Variants in MAD1L1 observed in about 807,000 individuals in gnomAD.
MAD1L1 encodes the protein mitotic spindle assembly checkpoint protein MAD1.
A neutral mutation model predicts 96.9 loss-of-function variants in MAD1L1; 95 were observed. The observed-to-expected ratio is 0.98, with a 90% CI of 0.83 to 1.16. The LOEUF is 1.16. Among genes scored for constraint, MAD1L1 ranks in the 50% most tolerant of loss-of-function variants. MAD1L1 has a pLI of 0.00. For missense variants in MAD1L1, 1,007 were observed against 954.4 expected (o/e 1.06, Z -0.73); for synonymous variants, 473 against 396.6 (o/e 1.19, Z -2.29).
At chr7:1,823,648 C>A (rs1782240718) in intron 18 of MAD1L1, among the ~76,000 whole-genome samples, 2 of 152,190 alleles carry the variant, frequency 1.3e-5, no homozygotes, top group Non-Finnish European at 2.9e-5. Context: ...ACAGACCTCA[C>A]CAGGCTGGAG....
At chr7:2,219,283 G>A (rs1793458325) in intron 6 of MAD1L1, 49 bp downstream of exon 6, 2 of 1,497,714 alleles carry the variant, frequency 1.3e-6, no homozygotes, top group Non-Finnish European at 1.8e-6. Context: ...TGGGACGCAT[G>A]CCCCCACACG....
chr7:1,923,485 A>ACCCGG (rs758581092), intron 17 of MAD1L1, among the ~76,000 whole-genome samples: 1 of 135,266 alleles, frequency 7.4e-6, no homozygotes, highest in Non-Finnish European at 1.6e-5. Context: ...CCGCCCCGGC[A>ACCCGG]GCCGGGCAAC....
At chr7:2,068,238 C>G (rs1371631322) in intron 12 of MAD1L1, among the ~76,000 whole-genome samples, 4 of 152,256 alleles carry the variant, frequency 2.6e-5, no homozygotes, top group Non-Finnish European at 5.9e-5. Context: ...GGTGCCCACA[C>G]AGTCAGTGCC....
chr7:2,161,908 G>T (rs974244392), intron 10 of MAD1L1, among the ~76,000 whole-genome samples: 1 of 142,096 alleles, frequency 7.0e-6, no homozygotes, highest in Non-Finnish European at 1.6e-5. Flanking sequence ...GCCCCCGCCC[G>T]CCAGCCAGCC....
At chr7:1,942,848 C>A (rs1032739833) in intron 16 of MAD1L1, among the ~76,000 whole-genome samples, 1 of 152,064 alleles carries the variant, frequency 6.6e-6, no homozygotes, top group South Asian at 2.1e-4. Flanking sequence ...AGGGGGAACA[C>A]GGGAGGAAGA....
intron 15 of MAD1L1, among the ~76,000 whole-genome samples, chr7:1,963,367 G>A (rs867225640): frequency 3.3e-5 from 5 of 152,134 alleles, no homozygotes; most frequent in East Asian, 1.9e-4. Flanking sequence ...CAGAAGACTC[G>A]ACAGCCGCCC....
chr7:1,828,991 T>C (rs1274713336), intron 18 of MAD1L1, among the ~76,000 whole-genome samples: 2 of 151,836 alleles, frequency 1.3e-5, no homozygotes, highest in Non-Finnish European at 1.5e-5. Context: ...AAGCTGCAGA[T>C]ACAACCACGG....
intron 15 of MAD1L1, among the ~76,000 whole-genome samples, chr7:1,975,124 C>T (rs559937073): frequency 1.3e-5 from 2 of 152,330 alleles, no homozygotes; most frequent in African/African-American, 4.8e-5. Flanking sequence ...AGGCAGCTCA[C>T]CAGCCTTCAC....
At chr7:2,011,510 G>A (rs1584074157) in intron 13 of MAD1L1, among the ~76,000 whole-genome samples, 4 of 152,308 alleles carry the variant, frequency 2.6e-5, no homozygotes, top group Admixed American at 2.6e-4. Flanking sequence ...AGGAGCTGGC[G>A]GCACCCCCAG....
intron 14 of MAD1L1, among the ~76,000 whole-genome samples, chr7:1,998,141 C>T (rs928559495): frequency 4.6e-5 from 7 of 152,210 alleles, no homozygotes; most frequent in Non-Finnish European, 8.8e-5. Context: ...ACCAAGCGCA[C>T]CTCACAGCCC....
intron 17 of MAD1L1, among the ~76,000 whole-genome samples, chr7:1,910,244 C>A (rs544544504): frequency 6.6e-6 from 1 of 152,268 alleles, no homozygotes; most frequent in African/African-American, 2.4e-5. Flanking sequence ...CCCAGCGGAA[C>A]CTTGGCGGAA....
chr7:1,874,869 G>A (rs1249624315), intron 18 of MAD1L1, among the ~76,000 whole-genome samples: 1 of 152,072 alleles, frequency 6.6e-6, no homozygotes, highest in East Asian at 1.9e-4. Context: ...GAGGCCTCCG[G>A]CTCTGCAGCA....
chr7:2,073,513 T>C (rs994768614), intron 11 of MAD1L1, among the ~76,000 whole-genome samples: 2 of 152,212 alleles, frequency 1.3e-5, no homozygotes, highest in African/African-American at 4.8e-5. Flanking sequence ...AGATGGTCTT[T>C]GTGACTGTAG....
intron 11 of MAD1L1, among the ~76,000 whole-genome samples, chr7:2,097,222 C>T (rs1786538407): frequency 1.3e-5 from 2 of 151,884 alleles, no homozygotes; most frequent in Admixed American, 1.3e-4. Flanking sequence ...GGCTCTGCCA[C>T]ACCCCACCCC....
chr7:1,959,957 T>C lies in MAD1L1; in HGVS notation c.1506-2238A>G, dbSNP rs566371652. 7.6e-4 allele frequency among the ~76,000 whole-genome samples: 116 copies of C among 152,334 alleles called. 1 individual carries two copies. The highest frequency in any genetic ancestry group is 2.6e-3 in the African/African-American group (110 of 41,578). Reference sequence around the variant, plus strand: ...ATTATTAACTTTTTAAAGTGATTAATAGATTAAACAAAACTAATGAAAATA... The same window carrying C: ...ATTATTAACTTTTTAAAGTGATTAACAGATTAAACAAAACTAATGAAAATA... On this transcript the variant is annotated intron_variant, in intron 15 of 18. Transcript: ENST00000265854.
chr7:1,922,827 G>A (rs1001113121), intron 17 of MAD1L1, among the ~76,000 whole-genome samples: 1 of 152,238 alleles, frequency 6.6e-6, no homozygotes, highest in Non-Finnish European at 1.5e-5. Flanking sequence ...CCCCATGAAC[G>A]TGTGTTGGGC....
Position 2,229,999 on chromosome 7 carries a change from G to A in MAD1L1, c.135C>T (p.Tyr45=). The change falls in exon 3 of 19, where the codon TAC becomes TAT. Residue 45 remains tyrosine, a synonymous_variant. Transcript: ENST00000265854. The part of the protein sequence containing the change: ...TSAPGSLQMQ[Y]QQSMQLEERA... ...TGCCACTCACCTGCATGCTCTGCTG[G>A]TACTGCATCTGCAGAGAACCTGGGG... 6.2e-7 allele frequency: 1 copy of A among 1,612,964 alleles called. No homozygotes were observed. Among genetic ancestry groups the A allele is most frequent in the Non-Finnish European group, 8.5e-7 (1 of 1,180,010 alleles).
At chr7:2,214,060 G>A (rs999399246) in intron 9 of MAD1L1, among the ~76,000 whole-genome samples, 23 of 152,246 alleles carry the variant, frequency 1.5e-4, no homozygotes, top group Non-Finnish European at 2.5e-4. Context: ...GACAGCCAAC[G>A]CTACAGAACA....
intron 17 of MAD1L1, among the ~76,000 whole-genome samples, chr7:1,906,916 G>GTCCCTGAACACCCGTGTTCA (rs1218855799): frequency 2.6e-5 from 4 of 152,210 alleles, no homozygotes; most frequent in African/African-American, 9.7e-5. Flanking sequence ...GTGTGCGTCT[G>GTCCCTGAACACCCGTGTTCA]TCCCTGAACA....
Sources: gnomAD v4.1 joint callset for allele counts (sites outside exome capture counted in the v4.1 genomes callset) on GRCh38, gnomAD v4.1.1 for gene constraint, MANE v1.5 for transcripts, NCBI Gene and HGNC (gene_info 2026-07-23, HGNC 2026-07-21) for gene names.